The following CCDC88A variants were observed in gnomAD, a reference collection of about 807,000 sequenced individuals.
CCDC88A encodes the protein coiled-coil and HOOK domain protein 88A.
A neutral mutation model predicts 234.3 loss-of-function variants in CCDC88A; 54 were observed. The ratio of observed to expected loss-of-function variants is 0.23; its 90% CI spans 0.19 to 0.29. CCDC88A has a LOEUF of 0.29. Ranked by LOEUF, CCDC88A falls within the 10% of genes least tolerant of loss-of-function variation. The pLI is 1.00. For synonymous variants in CCDC88A, 753 were observed against 737.8 expected, an observed-to-expected ratio of 1.02 and a Z score of -0.33; for missense variants, 1,832 against 2,123.4, an observed-to-expected ratio of 0.86 and a Z score of 2.70.
chr2:55,353,386 T>C (rs1016326751), intron 8 of CCDC88A, among the ~76,000 whole-genome samples: 8 of 152,268 alleles, frequency 5.3e-5, no homozygotes, highest in Admixed American at 1.3e-4. Flanking sequence ...AGCAATCTCT[T>C]CCCTAATTTT....
At chr2:55,340,242 A>G (rs541217593) in intron 12 of CCDC88A, 4 of 152,364 alleles carry the variant, frequency 2.6e-5, no homozygotes, top group Non-Finnish European at 4.4e-5. Context: ...TAAGAACATT[A>G]GGATTTACAA....
chr2:55,377,302 A>T (rs917724754), intron 3 of CCDC88A, among the ~76,000 whole-genome samples: 3 of 150,720 alleles, frequency 2.0e-5, no homozygotes, highest in African/African-American at 7.3e-5. Context: ...GGCTCAAGCA[A>T]TCCTCCTGCC....
intron 12 of CCDC88A, 58 bp downstream of exon 12, chr2:55,343,590 A>T (rs1668756154): frequency 7.3e-7 from 1 of 1,367,044 alleles, no homozygotes; most frequent in Non-Finnish European, 1.0e-6. Flanking sequence ...ACTGCAAGTA[A>T]ACATAAATAC....
intron 23 of CCDC88A, among the ~76,000 whole-genome samples, chr2:55,310,120 T>G (rs1682156111): frequency 6.6e-6 from 1 of 152,148 alleles, no homozygotes; most frequent in Admixed American, 6.5e-5. Flanking sequence ...AAATGCTAAG[T>G]TATGTTTAGC....
rs1573976534 is a variant in CCDC88A, at chr2:55,294,912, T to C, written c.5551+685A>G. On this transcript the variant is annotated intron_variant, in intron 31 of 32. Coordinates refer to ENST00000436346, the MANE Select transcript of CCDC88A (RefSeq NM_001365480.1). Reference sequence around the variant, plus strand: ...GGTTACACATTCACATTAATATACATGCCATCATGTACAGCTGAACACTGT... The same window carrying C: ...GGTTACACATTCACATTAATATACACGCCATCATGTACAGCTGAACACTGT... 1.3e-5 allele frequency: 15 copies of C among 1,138,828 alleles called. No homozygotes were observed. The South Asian group carries it at 2.6e-4, about 20-fold the overall frequency. The allele number at this position is 1,138,828 out of a possible 1,614,324, so 70.5% of individuals were successfully genotyped here.
intron 3 of CCDC88A, among the ~76,000 whole-genome samples, chr2:55,376,765 T>C (rs1673706917): frequency 6.6e-6 from 1 of 152,218 alleles, no homozygotes; most frequent in East Asian, 1.9e-4. Context: ...GCAAGTTATC[T>C]CAAGAGAGAA....
intron 8 of CCDC88A, chr2:55,350,136 C>G (rs13417890): frequency 0.061 from 9,225 of 152,420 alleles, 890 homozygotes; most frequent in African/African-American, 0.2. Flanking sequence ...TCAGGCTGGT[C>G]TCAAATTCCT....
intron 17 of CCDC88A, chr2:55,324,435 A>T (rs1684012686): frequency 2.0e-5 from 3 of 152,162 alleles, no homozygotes; most frequent in Admixed American, 2.0e-4. Context: ...CTAAAATTTC[A>T]CACAAATATG....
intron 5 of CCDC88A, among the ~76,000 whole-genome samples, chr2:55,365,510 T>G (rs892995535): frequency 6.6e-6 from 1 of 152,148 alleles, no homozygotes; most frequent in African/African-American, 2.4e-5. Context: ...CTGCCTTCAG[T>G]TTAGACTAAA....
intron 2 of CCDC88A, chr2:55,405,193 T>C (rs4672032): frequency 0.86 from 131,566 of 152,186 alleles, 57,265 homozygotes; most frequent in Admixed American, 0.93. Context: ...TGGCCTAAAA[T>C]ACCCTCCTCT....
intron 23 of CCDC88A, among the ~76,000 whole-genome samples, chr2:55,310,136 TGTTA>T (rs995005262): frequency 6.6e-6 from 1 of 152,206 alleles, no homozygotes; most frequent in Non-Finnish European, 1.5e-5. Flanking sequence ...TTAGCTTGAA[TGTTA>T]TAGGCTGAGA....
chr2:55,398,557 C>A (rs966300620), intron 2 of CCDC88A, among the ~76,000 whole-genome samples: 4 of 152,106 alleles, frequency 2.6e-5, no homozygotes, highest in African/African-American at 9.7e-5. Flanking sequence ...GGCCTTTTCA[C>A]CCTAAGGATG....
intron 8 of CCDC88A, 87 bp downstream of exon 8, chr2:55,355,492 A>G: frequency 8.9e-7 from 1 of 1,118,198 alleles, no homozygotes; most frequent in Non-Finnish European, 1.4e-6. Context: ...GACACAAGCT[A>G]GCAATATTTC....
At chr2:55,371,746 A>C (rs1672875901) in intron 5 of CCDC88A, among the ~76,000 whole-genome samples, 1 of 151,452 alleles carries the variant, frequency 6.6e-6, no homozygotes, top group African/African-American at 2.4e-5. Context: ...TTAGCCTCTC[A>C]AAGTGTTGGG....
chr2:55,399,329 A>G (rs1376540091), intron 2 of CCDC88A, among the ~76,000 whole-genome samples: 1 of 152,038 alleles, frequency 6.6e-6, no homozygotes, highest in Non-Finnish European at 1.5e-5. Context: ...GTTCAAGACC[A>G]GCCTGGCCAA....
At chr2:55,349,318 T>G (rs367894099) in intron 9 of CCDC88A, 200 bp downstream of exon 9, 1 of 535,260 alleles carries the variant, frequency 1.9e-6, no homozygotes. Context: ...TAGCAGAGTT[T>G]GAACAGCATT....
At position 55,289,534 on chromosome 2, in the gene CCDC88A, T is replaced by C. The variant is rs1185169403; in HGVS notation, c.*1666A>G. 2 of 152,278 alleles carry C rather than the reference T, an allele frequency of 1.3e-5. No individual in the cohort carries two copies. Among genetic ancestry groups the C allele is most frequent in the East Asian group, 3.9e-4 (2 of 5,182 alleles). The allele number at this position is 152,278 out of a possible 1,614,324, so 9.4% of individuals were successfully genotyped here. A position where few individuals can be genotyped will look rare whatever the true frequency, so the allele number is the denominator to read the frequency against. ...ATTTTTGTATGTTAGTAAGAATCCT[T>C]TGTATTTCCATTTACATAGCACCTT... On this transcript the variant is annotated 3_prime_UTR_variant, in exon 33 of 33. Coordinates refer to ENST00000436346, the MANE Select transcript of CCDC88A (RefSeq NM_001365480.1).
At chr2:55,401,673 T>A (rs1316490192) in intron 2 of CCDC88A, among the ~76,000 whole-genome samples, 2 of 151,338 alleles carry the variant, frequency 1.3e-5, no homozygotes, top group African/African-American at 4.8e-5. Flanking sequence ...TATCTTGAAC[T>A]TCACATTGAC....
At chr2:55,383,934 A>C (rs936252050) in intron 3 of CCDC88A, among the ~76,000 whole-genome samples, 4 of 152,126 alleles carry the variant, frequency 2.6e-5, no homozygotes, top group African/African-American at 9.7e-5. Flanking sequence ...AGACAATTTA[A>C]AGTATTGGTT....
Sources: gnomAD v4.1 joint callset for allele counts (sites outside exome capture counted in the v4.1 genomes callset) on GRCh38, gnomAD v4.1.1 for gene constraint, MANE v1.5 for transcripts, NCBI Gene and HGNC (gene_info 2026-07-23, HGNC 2026-07-21) for gene names.